SAMD13: variants seen among roughly 807,000 people sequenced by gnomAD.
The protein encoded by SAMD13 is sterile alpha motif domain-containing protein 13.
A neutral mutation model predicts 12.4 loss-of-function variants in SAMD13; 9 were observed. The observed-to-expected ratio is 0.72, with a 90% CI of 0.44 to 1.26. The LOEUF is 1.26. Ranked by LOEUF, SAMD13 falls within the 50% of genes most tolerant of loss-of-function variation. SAMD13 has a pLI of 0.00. For synonymous variants in SAMD13, 46 were observed against 45.4 expected (o/e 1.01, Z -0.05); for missense variants, 84 against 119.6 (o/e 0.70, Z 1.39).
intron 3 of SAMD13, chr1:84,344,991 C>T (rs1340257156): frequency 1.1e-5 from 5 of 456,586 alleles, no homozygotes; most frequent in Non-Finnish European, 2.2e-5. Flanking sequence ...TTCCCTTGGC[C>T]TTGTGGGTAA....
intron 2 of SAMD13, among the ~76,000 whole-genome samples, chr1:84,315,813 TC>T (rs1678821267): frequency 6.6e-6 from 1 of 152,178 alleles, no homozygotes; most frequent in African/African-American, 2.4e-5. Context: ...GCTTCCCCAT[TC>T]TGCATTTCTA....
intron 2 of SAMD13, among the ~76,000 whole-genome samples, chr1:84,313,171 C>T (rs936999896): frequency 1.3e-5 from 2 of 152,086 alleles, no homozygotes; most frequent in African/African-American, 4.8e-5. Context: ...AGAATATATA[C>T]ATATATTCAC....
chr1:84,338,432 CTTTTTTT>C (rs201864672), intron 3 of SAMD13, among the ~76,000 whole-genome samples: 2 of 100,698 alleles, frequency 2.0e-5, no homozygotes, highest in African/African-American at 3.9e-5. Context: ...ACTCATCTCT[CTTTTTTT>C]TTTTTTTTTT....
intron 3 of SAMD13, among the ~76,000 whole-genome samples, chr1:84,327,587 A>C (rs1679085473): frequency 1.3e-5 from 2 of 152,168 alleles, no homozygotes; most frequent in African/African-American, 4.8e-5. Context: ...TTTGTGCATT[A>C]CAGAACATAC....
chr1:84,328,594 G>A (rs1368830403), intron 3 of SAMD13, among the ~76,000 whole-genome samples: 1 of 152,196 alleles, frequency 6.6e-6, no homozygotes, highest in African/African-American at 2.4e-5. Context: ...AGTCGCTGCT[G>A]TGATATTCAT....
At chr1:84,325,505 T>A in intron 2 of SAMD13, 132 bp from the exon 3 acceptor site, 1 of 635,206 alleles carries the variant, frequency 1.6e-6, no homozygotes, top group South Asian at 1.9e-5. Flanking sequence ...TAGCAGTGAC[T>A]AAGCCAGTGA....
At chr1:84,303,038 G>T in intron 1 of SAMD13, 165 bp from the exon 2 acceptor site, 1 of 553,590 alleles carries the variant, frequency 1.8e-6, no homozygotes, top group South Asian at 2.1e-5. Context: ...CAGTTCTTTA[G>T]GTTTAATCAC....
chr1:84,327,674 G>A (rs1171533239), intron 3 of SAMD13, among the ~76,000 whole-genome samples: 1 of 152,148 alleles, frequency 6.6e-6, no homozygotes, highest in African/African-American at 2.4e-5. Flanking sequence ...TTAGGGTAAA[G>A]TATACTGATA....
At chr1:84,301,651 G>T, upstream of SAMD13, 1 of 985,428 alleles carries the variant, frequency 1.0e-6, no homozygotes, top group Non-Finnish European at 1.2e-6. Flanking sequence ...CGTCATGTTG[G>T]CTGAGAGCCA....
chr1:84,320,437 C>T (rs1334501096), intron 2 of SAMD13, among the ~76,000 whole-genome samples: 1 of 152,154 alleles, frequency 6.6e-6, no homozygotes, highest in Non-Finnish European at 1.5e-5. Flanking sequence ...GAAAAATGTT[C>T]TGTCCAGAAT....
chr1:84,341,074 A>C (rs1264769833), intron 3 of SAMD13, among the ~76,000 whole-genome samples: 2 of 152,186 alleles, frequency 1.3e-5, no homozygotes, highest in African/African-American at 4.8e-5. Flanking sequence ...GACTTATATC[A>C]TCAGCCCCAC....
intron 2 of SAMD13, among the ~76,000 whole-genome samples, chr1:84,315,241 C>G (rs1012252210): frequency 6.6e-6 from 1 of 152,024 alleles, no homozygotes; most frequent in South Asian, 2.1e-4. Flanking sequence ...TTATCAACTC[C>G]CCCTTTCCCC....
intron 3 of SAMD13, chr1:84,344,752 G>C (rs1679499111): frequency 2.7e-6 from 1 of 374,782 alleles, no homozygotes; most frequent in African/African-American, 2.1e-5. Flanking sequence ...CTTATCACCA[G>C]TTGGCTCTGC....
chr1:84,315,560 G>C (rs1570236266), intron 2 of SAMD13, among the ~76,000 whole-genome samples: 1 of 152,180 alleles, frequency 6.6e-6, no homozygotes, highest in East Asian at 1.9e-4. Context: ...CAAGTAGTTG[G>C]AATTATTGGC....
At chr1:84,333,124 T>A (rs964931244) in intron 3 of SAMD13, among the ~76,000 whole-genome samples, 2 of 152,208 alleles carry the variant, frequency 1.3e-5, no homozygotes, top group African/African-American at 4.8e-5. Context: ...AGCCTTGTAG[T>A]GCAGTTTGAA....
At chr1:84,320,265 G>A (rs867127570) in intron 2 of SAMD13, among the ~76,000 whole-genome samples, 6 of 152,182 alleles carry the variant, frequency 3.9e-5, no homozygotes, top group Middle Eastern at 3.2e-3. Context: ...GGAAAGTCTA[G>A]GATGTTGCCC....
rs1678458842 is a variant in SAMD13 at position 84,301,801 on chromosome 1, G to A, written c.-33G>A. The A allele has an allele frequency of 1.0e-6, 1 of 982,080 alleles. No homozygotes were observed. The highest frequency in any genetic ancestry group is 1.2e-6 in the Non-Finnish European group (1 of 826,946). 60.8% of individuals were successfully genotyped at this position (982,080 alleles called of 1,614,324 possible). ...AAATGATATTTTTTAGTTGCTTATA[G>A]GTAGGTTTTCTTTTTACTCTTCCAC... On this transcript the variant is annotated splice_region_variant and 5_prime_UTR_variant, in exon 1 of 4. An upstream open reading frame in the 5' UTR loses its in-frame stop. Transcript: ENST00000394834.
chr1:84,323,769 AAC>A (rs143370019), intron 2 of SAMD13, among the ~76,000 whole-genome samples: 3,511 of 152,228 alleles, frequency 0.023, 40 homozygotes, highest in Non-Finnish European at 0.033. Flanking sequence ...GGATGTTTTC[AAC>A]TTCCACTAAA....
intron 2 of SAMD13, among the ~76,000 whole-genome samples, chr1:84,310,268 G>T (rs557977901): frequency 6.5e-4 from 99 of 152,046 alleles, no homozygotes; most frequent in Admixed American, 2.8e-3. Flanking sequence ...TTATAGTAGG[G>T]GGGTTCAAAC....
Sources: gnomAD v4.1 joint callset for allele counts (sites outside exome capture counted in the v4.1 genomes callset) on GRCh38, gnomAD v4.1.1 for gene constraint, MANE v1.5 for transcripts, NCBI Gene and HGNC (gene_info 2026-07-23, HGNC 2026-07-21) for gene names.